RASEF: variants seen among roughly 807,000 people sequenced by gnomAD.
RASEF encodes the protein RAS and EF-hand domain containing.
In RASEF, 68 loss-of-function variants were observed where a neutral mutation model predicts 90.1. The ratio of observed to expected loss-of-function variants is 0.75; its 90% CI spans 0.62 to 0.92. The LOEUF is 0.92. Among genes scored for constraint, RASEF ranks in the 40% least tolerant of loss-of-function variants. The pLI is 0.00. For synonymous variants in RASEF, 331 were observed against 345.2 expected (o/e 0.96, Z 0.46); for missense variants, 949 against 937.2 (o/e 1.01, Z -0.16).
In RASEF at chr9:82,980,895, C is replaced by A. The variant is rs1464726668; in HGVS notation, c.*1782G>T. ...AGTTACTGAGGATAGATCCAACTTT[C>A]CAGCAAAAATATCAGATGTCTTCAA... On this transcript the variant is annotated 3_prime_UTR_variant, in exon 17 of 17. Transcript: ENST00000376447. 6.6e-6 allele frequency: 1 copy of A among 152,138 alleles called. No homozygotes were observed. The highest frequency in any genetic ancestry group is 1.5e-5 in the Non-Finnish European group (1 of 68,032). 9.4% of individuals were successfully genotyped at this position (152,138 alleles called of 1,614,324 possible).
chr9:83,012,625 A>C (rs10121395), intron 4 of RASEF, 114 bp from the exon 5 acceptor site: 225,981 of 453,714 alleles, frequency 0.5, 57,528 homozygotes, highest in East Asian at 0.72. Flanking sequence ...CCAATTTTCA[A>C]CATTATGCAA....
intron 16 of RASEF, among the ~76,000 whole-genome samples, chr9:82,986,684 T>C (rs1828717476): frequency 6.6e-6 from 1 of 152,214 alleles, no homozygotes; most frequent in African/African-American, 2.4e-5. Flanking sequence ...ATTGACTCAG[T>C]CTTATGGACA....
rs1828558250 is a variant in RASEF at position 82,979,616 on chromosome 9, T to G, written c.*3061A>C. The G allele has an allele frequency of 6.6e-6, 1 of 152,216 alleles. No homozygotes were observed. The highest frequency in any genetic ancestry group is 1.5e-5 in the Non-Finnish European group (1 of 68,036). The allele number at this position is 152,216 out of a possible 1,614,324, so 9.4% of individuals were successfully genotyped here. On this transcript the variant is annotated 3_prime_UTR_variant, in exon 17 of 17. Transcript: ENST00000376447. ...CCAAAGGAAGCAAGCTTTATTGAAT[T>G]TACAACGTAGAAAATATTTGTAGTT...
At chr9:82,999,131 G>A (rs553673721) in intron 12 of RASEF, among the ~76,000 whole-genome samples, 12 of 152,122 alleles carry the variant, frequency 7.9e-5, no homozygotes, top group African/African-American at 2.2e-4. Context: ...CTAACATTTC[G>A]GGTGATCAAA....
chr9:83,023,736 G>GT (rs1274621544), intron 2 of RASEF, among the ~76,000 whole-genome samples: 1 of 152,128 alleles, frequency 6.6e-6, no homozygotes, highest in Non-Finnish European at 1.5e-5. Flanking sequence ...ATGTCTGGCG[G>GT]TTTTTTGGTC....
chr9:83,170,524 TA>T, the RASEF span, among the ~76,000 whole-genome samples: 1 of 151,956 alleles, frequency 6.6e-6, no homozygotes, highest in African/African-American at 2.4e-5. Context: ...GTATGGATGC[TA>T]AAAATATTAA....
chr9:83,049,529 C>CTTTTTTTTTTTTTTTTTTTTTTTTTTTTT, intron 1 of RASEF, among the ~76,000 whole-genome samples: 1 of 99,084 alleles, frequency 1.0e-5, no homozygotes, highest in Non-Finnish European at 1.8e-5. Context: ...TTCTGCCTTC[C>CTTTTTTTTTTTTTTTTTTTTTTTTTTTTT]TTTTTTTTTT....
intron 1 of RASEF, among the ~76,000 whole-genome samples, chr9:83,046,984 T>C (rs4460464): frequency 0.5 from 75,757 of 151,962 alleles, 18,987 homozygotes; most frequent in East Asian, 0.62. Flanking sequence ...ACTATTATGA[T>C]GAAATGGCCA....
At chr9:83,122,715 TA>T in the RASEF span, among the ~76,000 whole-genome samples, 3 of 152,244 alleles carry the variant, frequency 2.0e-5, no homozygotes, top group Non-Finnish European at 4.4e-5. Flanking sequence ...TTATGTATTT[TA>T]TCATCTCCAT....
the RASEF span, among the ~76,000 whole-genome samples, chr9:83,205,674 T>G: frequency 1.3e-5 from 2 of 152,216 alleles, no homozygotes; most frequent in Non-Finnish European, 2.9e-5. Context: ...TCTTCTTCCC[T>G]TGGTACAGTA....
rs376578939 is a variant in RASEF, at chr9:83,000,920, A to G, written c.1413T>C (p.Phe471=). The G allele has an allele frequency of 2.6e-5, 42 of 1,613,982 alleles. No individual in the cohort carries two copies. Among genetic ancestry groups the G allele is most frequent in the Non-Finnish European group, 3.6e-5 (42 of 1,179,974 alleles). ...FQRSHGVQES[F]GGDASDTDVP... is the part of the protein sequence containing the mutation. ...CATCTGTGTCTGAAGCATCACCTCC[A>G]AAGCTCTCCTGCACCCCGTGTGACC... The change falls in exon 10 of 17, where the codon TTT becomes TTC. Residue 471 remains phenylalanine (F), a synonymous_variant. Coordinates refer to ENST00000376447, the MANE Select transcript of RASEF (RefSeq NM_152573.4).
chr9:83,023,310 T>G (rs1829476799), intron 2 of RASEF, among the ~76,000 whole-genome samples: 1 of 152,206 alleles, frequency 6.6e-6, no homozygotes, highest in Non-Finnish European at 1.5e-5. Context: ...AAATCACATC[T>G]CTATGGAGAC....
At chr9:83,128,494 C>A in the RASEF span, among the ~76,000 whole-genome samples, 1 of 149,564 alleles carries the variant, frequency 6.7e-6, no homozygotes, top group Admixed American at 6.7e-5. Flanking sequence ...ACTCACAAAC[C>A]AATCGGCATG....
In RASEF at chr9:83,061,758, C is replaced by T. The variant is rs200360253; in HGVS notation, c.431+679G>A. On this transcript the variant is annotated intron_variant, in intron 1 of 16. Coordinates refer to ENST00000376447, the MANE Select transcript of RASEF (RefSeq NM_152573.4). ...GTGTCATTTTATCATTTTATTCCGT[C>T]ACATAAAAAGTGAGTTTTTCAGTTC... Among the ~76,000 whole-genome samples, 28 of 152,298 alleles carry T rather than the reference C, an allele frequency of 1.8e-4. No individual in the cohort carries two copies. In the East Asian group the frequency reaches 5.4e-3, roughly 29 times the overall value.
At chr9:83,088,413 C>G in the RASEF span, among the ~76,000 whole-genome samples, 1 of 86,310 alleles carries the variant, frequency 1.2e-5, no homozygotes, top group African/African-American at 4.3e-5. Flanking sequence ...TAGATAGATA[C>G]ACAGATAATA....
chr9:83,184,773 C>T, the RASEF span, among the ~76,000 whole-genome samples: 1 of 152,076 alleles, frequency 6.6e-6, no homozygotes, highest in Non-Finnish European at 1.5e-5. Flanking sequence ...GGATAAGGAC[C>T]ATGTCACCCT....
chr9:83,207,970 C>T, the RASEF span, among the ~76,000 whole-genome samples: 2 of 152,202 alleles, frequency 1.3e-5, no homozygotes, highest in Non-Finnish European at 2.9e-5. Context: ...CACTCCCCAT[C>T]AGTCTCTCCT....
the RASEF span, among the ~76,000 whole-genome samples, chr9:83,159,398 T>C: frequency 6.6e-6 from 1 of 152,182 alleles, no homozygotes; most frequent in African/African-American, 2.4e-5. Context: ...TAGTCAAGTA[T>C]GCAATGAATG....
chr9:83,063,731 G>A (rs1425521909), upstream of RASEF, among the ~76,000 whole-genome samples: 1 of 152,064 alleles, frequency 6.6e-6, no homozygotes. Context: ...GACTGAGGTC[G>A]TTTTGTAGGT....
Sources: allele counts gnomAD v4.1 joint callset (sites outside exome capture counted in the v4.1 genomes callset), GRCh38; gene constraint gnomAD v4.1.1; transcripts MANE v1.5; gene names NCBI Gene and HGNC (gene_info 2026-07-23, HGNC 2026-07-21).